The following TAS1R2 variants were observed in gnomAD, a reference collection of about 807,000 sequenced individuals.
TAS1R2 encodes taste receptor type 1 member 2.
A neutral mutation model predicts 49.3 loss-of-function variants in TAS1R2; 47 were observed. That is an observed-to-expected ratio of 0.95 (90% confidence interval 0.75 to 1.22). The LOEUF (loss-of-function observed/expected upper bound fraction) is 1.22, where lower values mean the gene tolerates loss of function less well. Among genes scored for constraint, TAS1R2 ranks in the 50% most tolerant of loss-of-function variants. The pLI is 0.00. For synonymous variants in TAS1R2, 479 were observed against 467.9 expected, an observed-to-expected ratio of 1.02 and a Z score of -0.31; for missense variants, 1,155 against 1,122.1, an observed-to-expected ratio of 1.03 and a Z score of -0.42.
intron 3 of TAS1R2, among the ~76,000 whole-genome samples, chr1:18,852,803 T>C (rs1326574571): frequency 6.6e-6 from 1 of 152,182 alleles, no homozygotes; most frequent in Non-Finnish European, 1.5e-5. Context: ...TCCCTGACCC[T>C]CTCCCACCAT....
At chr1:18,847,733 C>T (rs1336731999) in intron 4 of TAS1R2, among the ~76,000 whole-genome samples, 1 of 152,118 alleles carries the variant, frequency 6.6e-6, no homozygotes, top group Non-Finnish European at 1.5e-5. Flanking sequence ...GCATAGCTAC[C>T]AAACTAAAAC....
At chr1:18,849,369 T>G (rs1456939310) in exon 4 of TAS1R2, 2 of 1,613,982 alleles carry the variant, frequency 1.2e-6, no homozygotes, top group Non-Finnish European at 8.5e-7. Context: ...CCAGGAGATG[T>G]CTTGGATGTT....
intron 4 of TAS1R2, among the ~76,000 whole-genome samples, chr1:18,848,811 C>T (rs1933968420): frequency 1.3e-5 from 2 of 152,132 alleles, no homozygotes; most frequent in Admixed American, 6.5e-5. Context: ...CAGATGGGAT[C>T]GTCTAGTTGC....
chr1:18,849,417 C>G (rs75594164), exon 4 of TAS1R2: 32 of 1,614,236 alleles, frequency 2.0e-5, no homozygotes, highest in Non-Finnish European at 2.7e-5. Context: ...GGAGGCGACG[C>G]TCTGGAAGGG....
Position 18,854,985 on chromosome 1 carries a change from A to T in TAS1R2, c.485T>A (p.Ile162Asn). 1 of 1,601,768 alleles carries T rather than the reference A, an allele frequency of 6.2e-7. No homozygotes were observed. Among genetic ancestry groups the T allele is most frequent in the Non-Finnish European group, 8.5e-7 (1 of 1,170,098 alleles). Reference sequence around the variant, plus strand: ...CTCATCGCTGATGGCGCTGTAGGTGATCTGCAAGGGGAAGGGCTGTGGCAT... The same window carrying T: ...CTCATCGCTGATGGCGCTGTAGGTGTTCTGCAAGGGGAAGGGCTGTGGCAT... Residue 162 changes from isoleucine to asparagine, a missense_variant and splice_region_variant, in exon 3 of 6, where the codon ATC becomes AAC. By Grantham distance (149) the Ile-to-Asn change is moderately radical (BLOSUM62 -3). Transcript: ENST00000375371. The surrounding 1 kb of genome is among the most constrained non-coding windows in gnomAD (Gnocchi z 4.9).
At chr1:18,844,690 G>T (rs1441960480) in intron 4 of TAS1R2, among the ~76,000 whole-genome samples, 1 of 152,112 alleles carries the variant, frequency 6.6e-6, no homozygotes, top group African/African-American at 2.4e-5. Flanking sequence ...GGGGGCGGAG[G>T]TTGCAATGAG....
rs28592077 is a variant in TAS1R2 at position 18,854,171 on chromosome 1, G to T, written c.1257+42C>A. ...TTTGCCCAGAACCCCAGGGGAGGAG[G>T]ATGGAGGTGCCCTGCAGACTCTATG... On this transcript the variant is annotated intron_variant, in intron 3 of 5. Coordinates refer to ENST00000375371, the Ensembl canonical transcript of TAS1R2. The surrounding 1 kb of genome is among the most constrained non-coding windows in gnomAD (Gnocchi z 4.9). The T allele has an allele frequency of 8.2e-3, 12,934 of 1,583,114 alleles. 279 individuals are homozygous for T. In the East Asian group the frequency reaches 0.086, roughly 10 times the overall value.
intron 4 of TAS1R2, among the ~76,000 whole-genome samples, chr1:18,848,757 G>A (rs1425918517): frequency 6.6e-6 from 1 of 152,164 alleles, no homozygotes; most frequent in Non-Finnish European, 1.5e-5. Flanking sequence ...CACTCCTTAT[G>A]AGAATCTAAT....
At chr1:18,857,471 G>C (rs1163209053) in exon 2 of TAS1R2, 1 of 1,614,198 alleles carries the variant, frequency 6.2e-7, no homozygotes, top group East Asian at 2.2e-5. Context: ...TCGTGTGCCA[G>C]GAAGTAGAGC....
At chr1:18,856,886 G>A (rs943306982) in intron 2 of TAS1R2, among the ~76,000 whole-genome samples, 1 of 152,168 alleles carries the variant, frequency 6.6e-6, no homozygotes, top group African/African-American at 2.4e-5. Context: ...CTTGTGCTAG[G>A]CAGCTGTACA....
intron 3 of TAS1R2, among the ~76,000 whole-genome samples, chr1:18,851,775 T>C (rs1002360895): frequency 1.3e-5 from 2 of 152,068 alleles, no homozygotes; most frequent in Non-Finnish European, 2.9e-5. Flanking sequence ...CGCCCCTGAG[T>C]CCTGTCTCTC....
At chr1:18,841,687 A>G (rs775320958) in intron 5 of TAS1R2, 42 bp downstream of exon 5, 1 of 1,592,602 alleles carries the variant, frequency 6.3e-7, no homozygotes. Flanking sequence ...GGGCAGGGGC[A>G]GGGCAGGGGC....
At chr1:18,840,002 G>C in exon 6 of TAS1R2, 1 of 1,614,226 alleles carries the variant, frequency 6.2e-7, no homozygotes, top group Non-Finnish European at 8.5e-7. Context: ...GTCAGTACGG[G>C]TGGTGGGACT....
At chr1:18,852,774 C>T (rs1223587934) in intron 3 of TAS1R2, among the ~76,000 whole-genome samples, 1 of 152,234 alleles carries the variant, frequency 6.6e-6, no homozygotes, top group Non-Finnish European at 1.5e-5. Context: ...CCTGTTCACT[C>T]CCTACTTCAG....
At chr1:18,856,354 C>G (rs1934136700) in intron 2 of TAS1R2, among the ~76,000 whole-genome samples, 1 of 152,182 alleles carries the variant, frequency 6.6e-6, no homozygotes, top group Non-Finnish European at 1.5e-5. Flanking sequence ...GTGACACCCA[C>G]CTGACCACCC....
chr1:18,848,300 T>C (rs7533322), intron 4 of TAS1R2, among the ~76,000 whole-genome samples: 63,120 of 151,876 alleles, frequency 0.42, 13,422 homozygotes, highest in East Asian at 0.55. Context: ...GCATTTATCC[T>C]CTAGGGTTGA....
intron 4 of TAS1R2, among the ~76,000 whole-genome samples, chr1:18,845,938 T>A (rs955286203): frequency 2.6e-5 from 4 of 152,120 alleles, no homozygotes; most frequent in Non-Finnish European, 5.9e-5. Context: ...CAGTGACAAC[T>A]TTGGGTAGTG....
rs1005984060 is a variant in TAS1R2, at chr1:18,854,509, T to G, written c.961A>C (p.Thr321Pro). The change falls in exon 3 of 6, where the codon ACC becomes CCC. Residue 321 changes from threonine (T) to proline (P), a missense_variant. Thr to Pro is a conservative substitution (Grantham distance 38, BLOSUM62 -1). Coordinates refer to ENST00000375371, the Ensembl canonical transcript of TAS1R2. This position sits in a 1 kb window ranked among gnomAD's most constrained non-coding sequence, Gnocchi z 4.9. ...CTCTGGATGGTGATGCCCAGGAAGG[T>G]GCCCAAGTGGCGCAGCTCCGTGAGG... is the stretch of plus-strand genomic sequence containing the variant. 2 of 1,613,862 alleles carry G rather than the reference T, an allele frequency of 1.2e-6. No individual in the cohort carries two copies. The highest frequency in any genetic ancestry group is 2.7e-5 in the African/African-American group (2 of 74,900).
At chr1:18,849,368 G>C (rs1250345830) in exon 4 of TAS1R2, 1 of 1,614,126 alleles carries the variant, frequency 6.2e-7, no homozygotes, top group East Asian at 2.2e-5. Context: ...GCCAGGAGAT[G>C]TCTTGGATGT....
Sources: allele counts gnomAD v4.1 joint callset (sites outside exome capture counted in the v4.1 genomes callset), GRCh38; gene constraint gnomAD v4.1.1; non-coding constraint Gnocchi (gnomAD v3.1); transcripts MANE v1.5; gene names NCBI Gene and HGNC (gene_info 2026-07-23, HGNC 2026-07-21).